Variants in ATP6V1B1 observed in about 807,000 individuals in gnomAD.
ATP6V1B1 encodes the protein ATPase H+ transporting V1 subunit B1, also known as V-type proton ATPase subunit B, kidney isoform.
Under a neutral mutation model 62.1 loss-of-function variants are expected in ATP6V1B1, and 41 were observed. The observed-to-expected ratio is 0.66, with a 90% CI of 0.51 to 0.86. The LOEUF (loss-of-function observed/expected upper bound fraction) is 0.86. Among genes scored for constraint, ATP6V1B1 ranks in the 40% least tolerant of loss-of-function variants. ATP6V1B1 has a pLI of 0.00. For synonymous variants in ATP6V1B1, 253 were observed against 273.4 expected, an observed-to-expected ratio of 0.93 and a Z score of 0.74; for missense variants, 651 against 697.5, an observed-to-expected ratio of 0.93 and a Z score of 0.75.
rs781974215 is a variant in ATP6V1B1, at chr2:70,935,961, ATGGAGATAGACAGCAGGCC to A, written c.11_29del (p.Glu4GlyfsTer10). 2 of 1,613,486 alleles carry A rather than the reference ATGGAGATAGACAGCAGGCC, an allele frequency of 1.2e-6. No individual in the cohort carries two copies. The highest frequency in any genetic ancestry group is 2.2e-5 in the South Asian group (2 of 91,038). The stretch of plus-strand genomic sequence containing the variant: ...CCCAGCTGGGGACTGCTCCATGGCC[ATGGAGATAGACAGCAGGCC>A]TGGGGGGCTCCCCGGCAGTAGCTGC... On this transcript the variant is annotated frameshift_variant, in exon 1 of 14. Transcript: ENST00000234396. LOFTEE classifies it high-confidence loss of function.
At chr2:70,957,968 G>C in intron 2 of ATP6V1B1, 78 bp from the exon 3 acceptor site, 1 of 1,327,762 alleles carries the variant, frequency 7.5e-7, no homozygotes, top group South Asian at 1.2e-5. Flanking sequence ...TTTGGGACTG[G>C]GTCAGGGAGG....
intron 2 of ATP6V1B1, among the ~76,000 whole-genome samples, chr2:70,944,909 C>T (rs981740964): frequency 2.6e-5 from 4 of 152,106 alleles, no homozygotes; most frequent in African/African-American, 4.8e-5. Context: ...CCTGGTGATC[C>T]GCCCGCCTCG....
At position 70,943,702 on chromosome 2, in the gene ATP6V1B1, G is replaced by T. The variant is rs1553416804; in HGVS notation, c.163G>T (p.Asp55Tyr). The T allele has an allele frequency of 6.2e-7, 1 of 1,613,798 alleles. No individual in the cohort carries two copies. ...CGTGAACGGGCCCCTGGTGGTGCTG[G>T]ACCGGGTCAAGGTAAGACTCTTCTG... ...CSVNGPLVVL[D>Y]RVKFAQYAEI... Residue 55 changes from aspartate (D) to tyrosine (Y), a missense_variant, in exon 2 of 14, where the codon GAC becomes TAC. By Grantham distance (160) the Asp-to-Tyr change is radical. Transcript: ENST00000234396.
At chr2:70,951,261 G>T (rs1334863251) in intron 2 of ATP6V1B1, among the ~76,000 whole-genome samples, 2 of 151,966 alleles carry the variant, frequency 1.3e-5, no homozygotes, top group African/African-American at 4.8e-5. Flanking sequence ...TCTTTTGAGG[G>T]TACGCTAAGC....
intron 2 of ATP6V1B1, among the ~76,000 whole-genome samples, chr2:70,952,929 A>G (rs1466128512): frequency 1.3e-5 from 2 of 152,142 alleles, no homozygotes; most frequent in Non-Finnish European, 1.5e-5. Context: ...GGAATGCTTT[A>G]TGCATCGTAT....
At position 70,943,640 on chromosome 2, in the gene ATP6V1B1, C is replaced by T; in HGVS notation, c.119-18C>T. The T allele has an allele frequency of 6.2e-7, 1 of 1,612,444 alleles. No homozygotes were observed. The highest frequency in any genetic ancestry group is 8.5e-7 in the Non-Finnish European group (1 of 1,179,298). On this transcript the variant is annotated intron_variant, in intron 1 of 13. Transcript: ENST00000234396. ...GTGTTTGGGGTGAGACCCCTACTCACCCCCGCCCCTCCCCCAGCCTACAGG... is the reference window on the plus strand; with the variant it reads ...GTGTTTGGGGTGAGACCCCTACTCATCCCCGCCCCTCCCCCAGCCTACAGG...
chr2:70,957,891 A>C, intron 2 of ATP6V1B1, 155 bp from the exon 3 acceptor site: 1 of 753,704 alleles, frequency 1.3e-6, no homozygotes, highest in African/African-American at 1.7e-5. Context: ...ACAGAATTCA[A>C]ACTTTCACTT....
chr2:70,965,386 T>G lies in ATP6V1B1; in HGVS notation c.*265T>G. On this transcript the variant is annotated 3_prime_UTR_variant, in exon 14 of 14. Transcript: ENST00000234396. ...TGACGGGAGCATCTGTATTTTTATG[T>G]TAAAAGCCCACAAAATAAAAATAAA... is the stretch of plus-strand genomic sequence containing the variant. 1 of 558,346 alleles carries G rather than the reference T, an allele frequency of 1.8e-6. No homozygotes were observed. The highest frequency in any genetic ancestry group is 3.2e-6 in the Non-Finnish European group (1 of 313,284). 34.6% of individuals were successfully genotyped at this position (558,346 alleles called of 1,614,324 possible).
At chr2:70,955,983 A>G (rs1680423519) in intron 2 of ATP6V1B1, 1 of 170,414 alleles carries the variant, frequency 5.9e-6, no homozygotes, top group East Asian at 1.7e-4. Flanking sequence ...TGGAGCTGTT[A>G]CTGTAGTGAA....
In ATP6V1B1 at chr2:70,963,969, C is replaced by T; in HGVS notation, c.1143+315C>T. On this transcript the variant is annotated intron_variant, in intron 11 of 13. Coordinates refer to ENST00000234396, the MANE Select transcript of ATP6V1B1 (RefSeq NM_001692.4). This position sits in a 1 kb window ranked among gnomAD's most constrained non-coding sequence, Gnocchi z 4.3. ...TAAAAATAAGTTGGCATATAGAAAG[C>T]ATCTGGCAGATAGTCAATACTATTT... 1 of 492,554 alleles carries T rather than the reference C, an allele frequency of 2.0e-6. No homozygotes were observed. The allele number at this position is 492,554 out of a possible 1,614,324, so 30.5% of individuals were successfully genotyped here.
chr2:70,935,990 C>A lies in ATP6V1B1; in HGVS notation c.36C>A (p.Leu12=), dbSNP rs781923112. The change falls in exon 1 of 14, where the codon CTC becomes CTA. Residue 12 remains leucine, a synonymous_variant. Transcript: ENST00000234396. ...AMEIDSRPGG[L]PGSSCNLGAA... is the part of the protein sequence containing the mutation. ...AGATAGACAGCAGGCCTGGGGGGCT[C>A]CCCGGCAGTAGCTGCAACCTAGGTG... is the stretch of plus-strand genomic sequence containing the variant. The A allele has an allele frequency of 8.1e-6, 13 of 1,613,836 alleles. No homozygotes were observed. The Admixed American group carries it at 1.0e-4, about 12-fold the overall frequency.
chr2:70,938,854 G>T, intron 1 of ATP6V1B1: 1 of 949,744 alleles, frequency 1.1e-6, no homozygotes, highest in Non-Finnish European at 1.3e-6. Flanking sequence ...CTGGTTGGAG[G>T]GATGAAGCCA....
At chr2:70,960,124 C>A in intron 6 of ATP6V1B1, 46 bp downstream of exon 6, 1 of 1,611,314 alleles carries the variant, frequency 6.2e-7, no homozygotes, top group Non-Finnish European at 8.5e-7. Flanking sequence ...AGGGACAGAG[C>A]AGAGGCTGGG....
intron 1 of ATP6V1B1, chr2:70,941,035 A>G: frequency 1.8e-6 from 1 of 570,700 alleles, no homozygotes; most frequent in Middle Eastern, 9.2e-4. Flanking sequence ...CTCCCACCTC[A>G]GCCTCCTGAG....
chr2:70,964,071 T>G (rs1012020449), intron 11 of ATP6V1B1: 28 of 401,098 alleles, frequency 7.0e-5, no homozygotes, highest in Non-Finnish European at 1.2e-4. Flanking sequence ...TGTGTGTAGG[T>G]TAAAGGTGAC....
In ATP6V1B1 at chr2:70,964,971, C is replaced by CCGCT; in HGVS notation, c.1395_1398dup (p.Val467LeufsTer45). 6.2e-7 allele frequency: 1 copy of CCGCT among 1,614,028 alleles called. No homozygotes were observed. The highest frequency in any genetic ancestry group is 8.5e-7 in the Non-Finnish European group (1 of 1,180,044). Reference sequence around the variant, plus strand: ...CTCTGTCCCTAGGCCCCTACGAGAACCGCTCGGTGTTCGAGTCGCTGGACC... The same window carrying CCGCT: ...CTCTGTCCCTAGGCCCCTACGAGAACCGCTCGCTCGGTGTTCGAGTCGCTGGACC... On this transcript the variant is annotated frameshift_variant, in exon 14 of 14. Transcript: ENST00000234396. LOFTEE classifies it high-confidence loss of function.
intron 1 of ATP6V1B1, chr2:70,943,226 T>G: frequency 1.1e-5 from 4 of 357,758 alleles, no homozygotes; most frequent in South Asian, 2.3e-5. Flanking sequence ...CAGTGTGGGG[T>G]GAATGGAGGG....
At position 70,958,122 on chromosome 2, in the gene ATP6V1B1, C is replaced by CT. The variant is rs782230289; in HGVS notation, c.252dup (p.Gly85TrpfsTer10). On this transcript the variant is annotated frameshift_variant, in exon 3 of 14. Coordinates refer to ENST00000234396, the MANE Select transcript of ATP6V1B1 (RefSeq NM_001692.4). LOFTEE classifies it high-confidence loss of function. ...AGGAGCGGGCAGGTGCTTGAGGTGG[C>CT]TGGCACCAAGGCGATTGTTCAGGTG... The CT allele has an allele frequency of 6.2e-7, 1 of 1,614,128 alleles. No individual in the cohort carries two copies. The highest frequency in any genetic ancestry group is 8.5e-7 in the Non-Finnish European group (1 of 1,180,030).
At chr2:70,937,328 C>T (rs569420650) in intron 1 of ATP6V1B1, among the ~76,000 whole-genome samples, 9 of 152,002 alleles carry the variant, frequency 5.9e-5, no homozygotes, top group East Asian at 1.9e-4. Flanking sequence ...TAAAGGGGCC[C>T]GGGGGCGCAT....
Sources: allele counts gnomAD v4.1 joint callset (sites outside exome capture counted in the v4.1 genomes callset), GRCh38; gene constraint gnomAD v4.1.1; non-coding constraint Gnocchi (gnomAD v3.1); transcripts MANE v1.5; gene names NCBI Gene and HGNC (gene_info 2026-07-23, HGNC 2026-07-21).